MAGI3: variants seen among roughly 807,000 people sequenced by gnomAD.
MAGI3 encodes the protein membrane-associated guanylate kinase, WW and PDZ domain-containing protein 3.
MAGI3 carries 43 observed loss-of-function variants against 121.8 expected under a neutral mutation model. The ratio of observed to expected loss-of-function variants is 0.35; its 90% CI spans 0.28 to 0.46. The LOEUF (loss-of-function observed/expected upper bound fraction) is 0.46, where lower values mean the gene tolerates loss of function less well. MAGI3 is among the 20% of genes least tolerant of loss of function. MAGI3 has a pLI of 1.00. For missense variants in MAGI3, 1,547 were observed against 1,797.3 expected (o/e 0.86, Z 2.52); for synonymous variants, 553 against 639.3 (o/e 0.86, Z 2.04).
At chr1:113,495,202 G>A (rs1452175959) in intron 1 of MAGI3, among the ~76,000 whole-genome samples, 1 of 152,184 alleles carries the variant, frequency 6.6e-6, no homozygotes, top group South Asian at 2.1e-4. Context: ...CTAAATCATA[G>A]AGGATCTAAT....
chr1:113,599,448 C>T lies in MAGI3; in HGVS notation c.1018+4888C>T, dbSNP rs185618683. Among the ~76,000 whole-genome samples, 231 of 152,272 alleles carry T rather than the reference C, an allele frequency of 1.5e-3. No homozygotes were observed. In the Middle Eastern group the frequency reaches 0.027, roughly 18 times the overall value. On this transcript the variant is annotated intron_variant, in intron 6 of 20. Transcript: ENST00000307546. Reference sequence around the variant, plus strand: ...TCAGAGAATACTACGAACACCTCTACGCAAATAAACTAGAAAATCTAGAAG... The same window carrying T: ...TCAGAGAATACTACGAACACCTCTATGCAAATAAACTAGAAAATCTAGAAG...
intron 1 of MAGI3, among the ~76,000 whole-genome samples, chr1:113,533,868 C>G (rs1262672184): frequency 2.0e-5 from 3 of 150,690 alleles, no homozygotes; most frequent in South Asian, 4.2e-4. Flanking sequence ...TTGTTTTTAC[C>G]TTTTTCTTGG....
intron 8 of MAGI3, 99 bp downstream of exon 8, chr1:113,619,929 G>A (rs78351958): frequency 1.3e-6 from 1 of 761,766 alleles, no homozygotes; most frequent in Non-Finnish European, 2.2e-6. Context: ...CTATGGCTTT[G>A]ACACTAAAGA....
intron 2 of MAGI3, among the ~76,000 whole-genome samples, chr1:113,553,639 G>A (rs1659870820): frequency 6.6e-6 from 1 of 152,088 alleles, no homozygotes; most frequent in Non-Finnish European, 1.5e-5. Context: ...GACCCCAAAG[G>A]ATCAAGTGAA....
chr1:113,644,911 A>G (rs1652748653), intron 11 of MAGI3, among the ~76,000 whole-genome samples: 1 of 152,186 alleles, frequency 6.6e-6, no homozygotes, highest in East Asian at 1.9e-4. Flanking sequence ...TTCCATAACC[A>G]TAAACTATAG....
At chr1:113,649,392 G>T (rs1653032437) in intron 13 of MAGI3, 64 bp downstream of exon 13, 1 of 1,136,568 alleles carries the variant, frequency 8.8e-7, no homozygotes, top group Non-Finnish European at 1.3e-6. Context: ...GTGATTTGGT[G>T]GATTATGGTG....
intron 15 of MAGI3, among the ~76,000 whole-genome samples, chr1:113,655,158 A>G (rs887969105): frequency 2.0e-5 from 3 of 152,218 alleles, no homozygotes; most frequent in African/African-American, 7.2e-5. Flanking sequence ...GAAAAATGAA[A>G]GGAAAGCAGC....
chr1:113,646,859 A>G (rs920466385), intron 12 of MAGI3, among the ~76,000 whole-genome samples: 1 of 152,212 alleles, frequency 6.6e-6, no homozygotes, highest in African/African-American at 2.4e-5. Flanking sequence ...CAGATGCCAT[A>G]CTAGGTAACC....
chr1:113,638,473 G>T (rs1652197919), intron 9 of MAGI3, among the ~76,000 whole-genome samples: 1 of 152,276 alleles, frequency 6.6e-6, no homozygotes, highest in Non-Finnish European at 1.5e-5. Context: ...CTGCAAGTCT[G>T]TTGGAGTTTG....
At chr1:113,601,993 A>T (rs890304469) in intron 6 of MAGI3, among the ~76,000 whole-genome samples, 1 of 152,018 alleles carries the variant, frequency 6.6e-6, no homozygotes, top group African/African-American at 2.4e-5. Context: ...AACACCGTAT[A>T]TTCTCACTCA....
At chr1:113,666,878 C>T (rs900327305) in intron 16 of MAGI3, among the ~76,000 whole-genome samples, 1 of 152,208 alleles carries the variant, frequency 6.6e-6, no homozygotes, top group East Asian at 1.9e-4. Flanking sequence ...ATGAAAACAA[C>T]ATTTATCTCC....
At chr1:113,558,904 C>T (rs1321391552) in intron 2 of MAGI3, among the ~76,000 whole-genome samples, 1 of 151,870 alleles carries the variant, frequency 6.6e-6, no homozygotes, top group Non-Finnish European at 1.5e-5. Flanking sequence ...AGATTGGGGC[C>T]AGTAGTCAAC....
chr1:113,514,211 G>T (rs1424133273), intron 1 of MAGI3, among the ~76,000 whole-genome samples: 4 of 152,218 alleles, frequency 2.6e-5, no homozygotes, highest in Non-Finnish European at 5.9e-5. Context: ...GTGGAAGTCA[G>T]TGTGGCGGTT....
intron 1 of MAGI3, among the ~76,000 whole-genome samples, chr1:113,412,664 A>G (rs1168443119): frequency 6.6e-6 from 1 of 151,976 alleles, no homozygotes; most frequent in Non-Finnish European, 1.5e-5. Flanking sequence ...GGCTGCATAG[A>G]TGTCTTCTTT....
At chr1:113,469,067 G>A (rs1031015750) in intron 1 of MAGI3, among the ~76,000 whole-genome samples, 22 of 152,152 alleles carry the variant, frequency 1.4e-4, no homozygotes, top group African/African-American at 3.6e-4. Flanking sequence ...TGCACATACA[G>A]GAAGAAACCT....
At chr1:113,591,928 A>G (rs915382955) in intron 5 of MAGI3, among the ~76,000 whole-genome samples, 3 of 152,164 alleles carry the variant, frequency 2.0e-5, no homozygotes, top group African/African-American at 7.2e-5. Flanking sequence ...ATAGTTTAAT[A>G]TATGTAAATG....
At chr1:113,496,665 AAAAC>A (rs1233792738) in intron 1 of MAGI3, among the ~76,000 whole-genome samples, 1 of 152,204 alleles carries the variant, frequency 6.6e-6, no homozygotes, top group Non-Finnish European at 1.5e-5. Context: ...CCTTTTTAAA[AAAAC>A]CACATTGAGC....
At chr1:113,535,356 T>A (rs1658923782) in intron 1 of MAGI3, among the ~76,000 whole-genome samples, 1 of 152,190 alleles carries the variant, frequency 6.6e-6, no homozygotes, top group South Asian at 2.1e-4. Context: ...TTCTTCATTG[T>A]CTTGCCACTG....
intron 1 of MAGI3, among the ~76,000 whole-genome samples, chr1:113,484,713 CTCCCT>C (rs755365981): frequency 7.3e-4 from 13 of 17,690 alleles, no homozygotes; most frequent in East Asian, 1.5e-3. Flanking sequence ...CTCCCCTCCC[CTCCCT>C]TCCCTTCCCT....
Sources: gnomAD v4.1 joint callset for allele counts (sites outside exome capture counted in the v4.1 genomes callset) on GRCh38, gnomAD v4.1.1 for gene constraint, MANE v1.5 for transcripts, NCBI Gene and HGNC (gene_info 2026-07-23, HGNC 2026-07-21) for gene names.